Variants in COL8A1 observed in about 807,000 individuals in gnomAD.
COL8A1 encodes the protein collagen type VIII alpha 1 chain, also known as collagen alpha-1(VIII) chain.
A neutral mutation model predicts 42.7 loss-of-function variants in COL8A1; 21 were observed. That is an observed-to-expected ratio of 0.49 (90% CI 0.35 to 0.71). The LOEUF (loss-of-function observed/expected upper bound fraction) is 0.71. Among genes scored for constraint, COL8A1 ranks in the 30% least tolerant of loss-of-function variants. The probability of loss-of-function intolerance (pLI) is 0.01; values close to 1 mark genes in which losing one functional copy is unlikely to be tolerated. For synonymous variants in COL8A1, 367 were observed against 369.1 expected, an observed-to-expected ratio of 0.99 and a Z score of 0.06; for missense variants, 788 against 962.4, an observed-to-expected ratio of 0.82 and a Z score of 2.40.
intron 1 of COL8A1, among the ~76,000 whole-genome samples, chr3:99,738,833 C>T (rs1940812756): frequency 6.6e-6 from 1 of 152,180 alleles, no homozygotes; most frequent in Admixed American, 6.5e-5. Context: ...CTCGCTGCTG[C>T]CTTGCAGTTT....
chr3:99,728,660 A>G (rs1298956777), intron 1 of COL8A1, among the ~76,000 whole-genome samples: 2 of 152,098 alleles, frequency 1.3e-5, no homozygotes, highest in Non-Finnish European at 2.9e-5. Flanking sequence ...TTCACTGGCC[A>G]TCTTAGCTTA....
rs919669734 is a variant in COL8A1 at position 99,729,809 on chromosome 3, A to C, written c.-128-15088A>C. The stretch of plus-strand genomic sequence containing the variant: ...AGCATGATAAGAAGCATGAAACCAA[A>C]TCAGATGTACTACTCTATGAGAAGG... On this transcript the variant is annotated intron_variant, in intron 1 of 3. Transcript: ENST00000652472. 8.6e-5 allele frequency among the ~76,000 whole-genome samples: 13 copies of C among 152,036 alleles called. 1 individual carries two copies. The highest frequency in any genetic ancestry group is 1.8e-4 in the Non-Finnish European group (12 of 67,984).
chr3:99,758,941 A>G (rs1941312351), intron 2 of COL8A1, among the ~76,000 whole-genome samples: 1 of 152,106 alleles, frequency 6.6e-6, no homozygotes, highest in Non-Finnish European at 1.5e-5. Context: ...CTTATAATAA[A>G]GGACTATTAT....
At chr3:99,770,521 C>T (rs150642449) in intron 2 of COL8A1, among the ~76,000 whole-genome samples, 358 of 152,276 alleles carry the variant, frequency 2.4e-3, no homozygotes, top group Middle Eastern at 0.01. Flanking sequence ...TTGTGCTAAG[C>T]ACTTAAGAGT....
intron 1 of COL8A1, among the ~76,000 whole-genome samples, chr3:99,731,223 A>G (rs1439078220): frequency 1.3e-5 from 2 of 152,166 alleles, no homozygotes; most frequent in Non-Finnish European, 2.9e-5. Context: ...TTAAATATAT[A>G]TAAAAATGAG....
chr3:99,660,840 A>G (rs1938182062), intron 1 of COL8A1, among the ~76,000 whole-genome samples: 1 of 152,172 alleles, frequency 6.6e-6, no homozygotes, highest in Non-Finnish European at 1.5e-5. Flanking sequence ...TCTGGCCCAA[A>G]TTTGTTTAAT....
At chr3:99,642,140 C>T (rs147360515) in intron 1 of COL8A1, among the ~76,000 whole-genome samples, 1 of 152,160 alleles carries the variant, frequency 6.6e-6, no homozygotes, top group African/African-American at 2.4e-5. Context: ...TATTAAACTT[C>T]CCCTTTCTAG....
At chr3:99,769,473 G>A (rs148835963) in intron 2 of COL8A1, among the ~76,000 whole-genome samples, 1,927 of 152,350 alleles carry the variant, frequency 0.013, 32 homozygotes, top group East Asian at 0.03. Flanking sequence ...AAAAGGCAGG[G>A]ACTTCAGAGG....
rs553701683 is a variant in COL8A1, at chr3:99,655,730, G to T, written c.-129+17066G>T. Among the ~76,000 whole-genome samples the T allele has an allele frequency of 4.6e-5, 7 of 152,244 alleles. No homozygotes were observed. The East Asian group carries it at 1.3e-3, about 29-fold the overall frequency. ...AGAATAAAAGACAATGGTCATTAAG[G>T]TTTATATTTGTAAGCAGTCATGTGG... On this transcript the variant is annotated intron_variant, in intron 1 of 3. Transcript: ENST00000652472.
intron 2 of COL8A1, among the ~76,000 whole-genome samples, chr3:99,747,343 T>C (rs985229299): frequency 6.6e-6 from 1 of 152,244 alleles, no homozygotes; most frequent in Non-Finnish European, 1.5e-5. Flanking sequence ...ACATAGTATG[T>C]ACTAAATAAT....
chr3:99,744,457 A>G (rs1940978491), intron 1 of COL8A1, among the ~76,000 whole-genome samples: 1 of 152,242 alleles, frequency 6.6e-6, no homozygotes, highest in Admixed American at 6.5e-5. Flanking sequence ...GCCCCATCAC[A>G]AGTGATTTGA....
At chr3:99,658,553 T>C (rs1298122592) in intron 1 of COL8A1, among the ~76,000 whole-genome samples, 1 of 152,194 alleles carries the variant, frequency 6.6e-6, no homozygotes, top group Non-Finnish European at 1.5e-5. Flanking sequence ...ACAGCCTGAT[T>C]TGAGTCTGCC....
At chr3:99,646,533 TC>T (rs1016961584) in intron 1 of COL8A1, among the ~76,000 whole-genome samples, 1 of 152,224 alleles carries the variant, frequency 6.6e-6, no homozygotes, top group African/African-American at 2.4e-5. Flanking sequence ...CAAGTATTTT[TC>T]AGAAAGATAC....
chr3:99,683,260 C>T (rs1330075752), intron 1 of COL8A1, among the ~76,000 whole-genome samples: 1 of 152,074 alleles, frequency 6.6e-6, no homozygotes, highest in African/African-American at 2.4e-5. Flanking sequence ...TGCTCCTTTC[C>T]ATATTTACCA....
At chr3:99,768,673 G>A (rs1439243209) in intron 2 of COL8A1, among the ~76,000 whole-genome samples, 1 of 152,168 alleles carries the variant, frequency 6.6e-6, no homozygotes, top group Non-Finnish European at 1.5e-5. Flanking sequence ...GAAAATGTTA[G>A]TACAGAGCCA....
chr3:99,719,175 G>A (rs1364527223), intron 1 of COL8A1, among the ~76,000 whole-genome samples: 1 of 152,060 alleles, frequency 6.6e-6, no homozygotes, highest in East Asian at 1.9e-4. Flanking sequence ...CTAGCACATA[G>A]TAGACATTCA....
chr3:99,719,222 C>T (rs1940083817), intron 1 of COL8A1, among the ~76,000 whole-genome samples: 1 of 152,014 alleles, frequency 6.6e-6, no homozygotes, highest in Non-Finnish European at 1.5e-5. Flanking sequence ...TTATTATTAT[C>T]ATTAAAGACT....
intron 1 of COL8A1, among the ~76,000 whole-genome samples, chr3:99,696,319 A>G (rs2107340466): frequency 6.6e-6 from 1 of 152,340 alleles, no homozygotes; most frequent in Middle Eastern, 3.4e-3. Context: ...ATATTTAAGA[A>G]CAACTTATTT....
chr3:99,731,574 G>A (rs1285274142), intron 1 of COL8A1, among the ~76,000 whole-genome samples: 3 of 152,132 alleles, frequency 2.0e-5, no homozygotes, highest in Non-Finnish European at 2.9e-5. Flanking sequence ...AGAAGCAGGA[G>A]AATGCCATGA....
Sources: allele counts gnomAD v4.1 joint callset (sites outside exome capture counted in the v4.1 genomes callset), GRCh38; gene constraint gnomAD v4.1.1; transcripts MANE v1.5; gene names NCBI Gene and HGNC (gene_info 2026-07-23, HGNC 2026-07-21).